The following TYW1B variants were observed in gnomAD, a reference collection of about 807,000 sequenced individuals.
TYW1B encodes S-adenosyl-L-methionine-dependent tRNA 4-demethylwyosine synthase TYW1B.
Under a neutral mutation model 86.9 loss-of-function variants are expected in TYW1B, and 73 were observed. The ratio of observed to expected loss-of-function variants is 0.84; its 90% CI spans 0.70 to 1.02. The LOEUF is 1.02. Among genes scored for constraint, TYW1B ranks in the 50% least tolerant of loss-of-function variants. TYW1B has a pLI of 0.00. For synonymous variants in TYW1B, 248 were observed against 292.8 expected (o/e 0.85, Z 1.56); for missense variants, 637 against 827.4 (o/e 0.77, Z 2.82).
intron 6 of TYW1B, among the ~76,000 whole-genome samples, chr7:72,798,781 T>C (rs1455152897): frequency 3.3e-5 from 5 of 152,218 alleles, no homozygotes; most frequent in African/African-American, 9.6e-5. Context: ...TAACTGAGTA[T>C]GTCATCCAGC....
At chr7:72,761,502 G>T (rs1462052615) in intron 7 of TYW1B, among the ~76,000 whole-genome samples, 3 of 151,512 alleles carry the variant, frequency 2.0e-5, no homozygotes, top group Non-Finnish European at 4.4e-5. Context: ...GAGGTAGAAG[G>T]ATCACTTGAG....
At chr7:72,757,516 C>T (rs1383637724) in intron 7 of TYW1B, among the ~76,000 whole-genome samples, 2 of 151,904 alleles carry the variant, frequency 1.3e-5, no homozygotes, top group African/African-American at 4.8e-5. Context: ...GGTATTGGCA[C>T]AGGATAGACA....
chr7:72,735,679 G>C (rs1161189875), intron 8 of TYW1B, among the ~76,000 whole-genome samples: 2 of 151,984 alleles, frequency 1.3e-5, no homozygotes, highest in Non-Finnish European at 2.9e-5. Context: ...AGATCAGTCT[G>C]GCCAACTTGG....
intron 9 of TYW1B, among the ~76,000 whole-genome samples, chr7:72,719,063 T>C (rs549135573): frequency 5.3e-5 from 8 of 152,300 alleles, no homozygotes; most frequent in Admixed American, 2.0e-4. Context: ...AAATACTTAA[T>C]GGGGTGCCAG....
At chr7:72,826,773 A>G in intron 2 of TYW1B, 82 bp downstream of exon 2, 1 of 1,514,176 alleles carries the variant, frequency 6.6e-7, no homozygotes, top group East Asian at 2.4e-5. Flanking sequence ...ACACAAAAGT[A>G]ATTAAAGGTT....
intron 4 of TYW1B, among the ~76,000 whole-genome samples, 199 bp downstream of exon 4, chr7:72,810,271 CT>C (rs1258551362): frequency 6.6e-6 from 1 of 152,174 alleles, no homozygotes; most frequent in Non-Finnish European, 1.5e-5. Flanking sequence ...GAGCAAAACT[CT>C]ATCTCAATCA....
At chr7:72,619,144 G>T (rs1455494649) in intron 12 of TYW1B, among the ~76,000 whole-genome samples, 2 of 152,114 alleles carry the variant, frequency 1.3e-5, no homozygotes, top group African/African-American at 2.4e-5. Context: ...TAAAATCACT[G>T]CCTTAAAACC....
chr7:72,580,209 G>T (rs545300209), intron 13 of TYW1B, among the ~76,000 whole-genome samples: 18 of 152,196 alleles, frequency 1.2e-4, no homozygotes, highest in South Asian at 4.1e-4. Context: ...CAGGGCAATC[G>T]GAGACGAATC....
intron 10 of TYW1B, among the ~76,000 whole-genome samples, chr7:72,698,256 C>A (rs1343889527): frequency 1.3e-5 from 2 of 152,108 alleles, no homozygotes; most frequent in East Asian, 3.9e-4. Context: ...TGAATCCTCA[C>A]AATAAAATGA....
chr7:72,700,155 CTTTTTTTTTTTTT>C (rs587689485), intron 10 of TYW1B, among the ~76,000 whole-genome samples: 23 of 74,248 alleles, frequency 3.1e-4, no homozygotes, highest in African/African-American at 6.9e-4. Flanking sequence ...AGCTTTTACA[CTTTTTTTTTTTTT>C]TTTTTTTTTT....
intron 11 of TYW1B, among the ~76,000 whole-genome samples, chr7:72,650,482 C>T (rs1813033009): frequency 6.6e-6 from 1 of 151,992 alleles, no homozygotes; most frequent in South Asian, 2.1e-4. Context: ...CATTAGGATG[C>T]CAAAAATTAA....
intron 12 of TYW1B, among the ~76,000 whole-genome samples, chr7:72,624,250 T>A (rs2129568600): frequency 6.6e-6 from 1 of 152,338 alleles, no homozygotes; most frequent in Middle Eastern, 3.4e-3. Flanking sequence ...TCATTTGTCT[T>A]TTGAATTACA....
chr7:72,688,989 G>A (rs568592608), intron 11 of TYW1B, among the ~76,000 whole-genome samples: 20 of 152,196 alleles, frequency 1.3e-4, no homozygotes, highest in Non-Finnish European at 2.9e-4. Context: ...TAGCTAAGCA[G>A]AGCAGGGTAA....
Position 72,810,517 on chromosome 7 carries a change from G to A in TYW1B, c.386C>T (p.Ala129Val), listed in dbSNP as rs116226916. The change falls in exon 4 of 14, where the codon GCG becomes GTG. Residue 129 changes from alanine to valine, a missense_variant. By Grantham distance (64) the Ala-to-Val change is moderately conservative. Coordinates refer to ENST00000620995, the MANE Select transcript of TYW1B (RefSeq NM_001145440.3). ...GKTYLKGMRD[A>V]VFGLGNSAYA... ...GGCAGAATTTCCCAGGCCAAATACC[G>A]CATCTCTCATACCCTTCAGGTAAGT... The A allele has an allele frequency of 3.1e-3, 5,000 of 1,613,782 alleles. 123 individuals are homozygous for A. In the African/African-American group the frequency reaches 0.052, roughly 17 times the overall value.
Position 72,625,552 on chromosome 7 carries a change from AGCGGGAG to A in TYW1B, c.1617+3328_1617+3334del, listed in dbSNP as rs1554438631. ...GGTGGGAGGATCACTTGAGCCCAGG[AGCGGGAG>A]GCTGAGGTGGGAGGATCACTTGAGC... On this transcript the variant is annotated intron_variant, in intron 12 of 13. Transcript: ENST00000620995. Among the ~76,000 whole-genome samples the A allele has an allele frequency of 6.2e-4, 65 of 104,664 alleles. 1 individual carries two copies. The South Asian group carries it at 0.015, about 25-fold the overall frequency. 68.7% of individuals were successfully genotyped at this position (104,664 alleles called of 152,430 possible).
intron 7 of TYW1B, among the ~76,000 whole-genome samples, chr7:72,759,996 G>C (rs905360034): frequency 2.6e-5 from 4 of 152,036 alleles, no homozygotes; most frequent in African/African-American, 9.7e-5. Flanking sequence ...AAGTATGTCT[G>C]TCCAGCATAT....
chr7:72,816,609 G>A (rs550075910), intron 2 of TYW1B, among the ~76,000 whole-genome samples: 1 of 152,252 alleles, frequency 6.6e-6, no homozygotes, highest in Admixed American at 6.6e-5. Flanking sequence ...CAGGACAGAG[G>A]CTCATTGCCA....
intron 9 of TYW1B, among the ~76,000 whole-genome samples, chr7:72,719,917 A>C (rs1554456994): frequency 6.6e-6 from 1 of 152,148 alleles, no homozygotes; most frequent in African/African-American, 2.4e-5. Flanking sequence ...CCAATGCAGG[A>C]TTTTGAGAAG....
intron 10 of TYW1B, among the ~76,000 whole-genome samples, chr7:72,706,739 C>T (rs1378805597): frequency 6.6e-6 from 1 of 152,170 alleles, no homozygotes; most frequent in Admixed American, 6.5e-5. Flanking sequence ...CTGAAAACCA[C>T]AGGGCTTCCT....
Sources: gnomAD v4.1 joint callset for allele counts (sites outside exome capture counted in the v4.1 genomes callset) on GRCh38, gnomAD v4.1.1 for gene constraint, MANE v1.5 for transcripts, NCBI Gene and HGNC (gene_info 2026-07-23, HGNC 2026-07-21) for gene names.